Variants in LZTS2 observed in about 807,000 individuals in gnomAD.
LZTS2 encodes the protein leucine zipper putative tumor suppressor 2.
In LZTS2, 32 loss-of-function variants were observed where a neutral mutation model predicts 60.6. The observed-to-expected ratio is 0.53, with a 90% confidence interval of 0.40 to 0.71. LZTS2 has a LOEUF of 0.71. Ranked by LOEUF, LZTS2 falls within the 30% of genes least tolerant of loss-of-function variation. The pLI, the probability that LZTS2 is intolerant of heterozygous loss-of-function variation, is 0.00. For synonymous variants in LZTS2, 360 were observed against 393.1 expected (o/e 0.92, Z 1.00); for missense variants, 792 against 901.9 (o/e 0.88, Z 1.56).
chr10:101,004,291 C>T (rs1401065632), intron 2 of LZTS2, 125 bp downstream of exon 3: 2 of 1,019,588 alleles, frequency 2.0e-6, no homozygotes, highest in South Asian at 1.8e-5. Flanking sequence ...CCCCCCTGCC[C>T]TCCCCACCAG....
chr10:101,007,554 G>A (rs759528362), exon 4 of LZTS2: 3 of 1,312,124 alleles, frequency 2.3e-6, no homozygotes, highest in African/African-American at 1.5e-5. Flanking sequence ...AAAGCCAGAT[G>A]GCACCAGCTG....
rs774166497 is a variant in LZTS2 at position 101,006,615 on chromosome 10, G to A, written c.1457G>A (p.Arg486Gln). Residue 486 changes from arginine (R) to glutamine (Q), a missense_variant, in exon 4 of 4, where the codon CGG becomes CAG. By Grantham distance (43) the Arg-to-Gln change is conservative. Coordinates refer to ENST00000370220, the Ensembl canonical transcript of LZTS2. ...CTGCGGGAGGCCCGTGCTACGCTGC[G>A]GGTCAGTGAGGGCCGTGCGCGGGGT... The A allele has an allele frequency of 1.0e-5, 16 of 1,600,348 alleles. 1 individual carries two copies. The highest frequency in any genetic ancestry group is 4.0e-5 in the African/African-American group (3 of 74,648).
At chr10:101,005,271 C>T (rs745716898) in intron 2 of LZTS2, among the ~76,000 whole-genome samples, 187 bp from the exon 4 acceptor site, 5 of 152,166 alleles carry the variant, frequency 3.3e-5, no homozygotes, top group African/African-American at 7.2e-5. Flanking sequence ...CCACCGAGCC[C>T]GGTCTGCTTG....
exon 4 of LZTS2, chr10:101,006,812 C>G: frequency 6.5e-7 from 1 of 1,543,324 alleles, no homozygotes; most frequent in South Asian, 1.2e-5. Context: ...CCCATTCCTC[C>G]TGGCAGAGAG....
chr10:101,003,725 C>T, exon 2 of LZTS2: 1 of 1,613,084 alleles, frequency 6.2e-7, no homozygotes, highest in Non-Finnish European at 8.5e-7. Flanking sequence ...GTGGCTGGGC[C>T]AGTGGCTGCC....
intron 3 of LZTS2, 34 bp downstream of exon 4, chr10:101,005,749 C>A (rs1335226082): frequency 2.0e-6 from 3 of 1,504,558 alleles, no homozygotes; most frequent in East Asian, 5.0e-5. Context: ...GGAGCAGGGT[C>A]ACACAGGGAG....
At chr10:101,007,461 C>A in exon 4 of LZTS2, 1 of 1,458,836 alleles carries the variant, frequency 6.9e-7, no homozygotes, top group Non-Finnish European at 9.1e-7. Flanking sequence ...TTCACAGGCG[C>A]TTCCAGCCCA....
rs1852117174 is a variant in LZTS2 at position 101,004,182 on chromosome 10, A to G, written c.1068+16A>G. The G allele has an allele frequency of 4.4e-6, 7 of 1,581,428 alleles. No individual in the cohort carries two copies. The highest frequency in any genetic ancestry group is 5.2e-6 in the Non-Finnish European group (6 of 1,157,558). On this transcript the variant is annotated intron_variant, in intron 2 of 3. Transcript: ENST00000370220. The stretch of plus-strand genomic sequence containing the variant: ...CATGTGCCAGGTGTGGTCAGAGGCA[A>G]TGATGGGGAAGGGGCATGGCAGGAC...
chr10:101,007,364 CAA>C, exon 4 of LZTS2: 1 of 1,417,756 alleles, frequency 7.1e-7, no homozygotes, highest in Non-Finnish European at 9.2e-7. Flanking sequence ...TCAGACCGCT[CAA>C]AGGTCCCCGT....
At chr10:101,004,067 C>T in exon 2 of LZTS2, 2 of 1,613,350 alleles carry the variant, frequency 1.2e-6, no homozygotes, top group Non-Finnish European at 1.7e-6. Context: ...CGGATGAGGC[C>T]CTGCTGCACT....
chr10:101,002,721 C>A (rs1852068037), exon 1 of LZTS2: 2 of 1,611,744 alleles, frequency 1.2e-6, no homozygotes, highest in East Asian at 4.5e-5. Context: ...AGCAGGATGG[C>A]CTGCTACGGG....
At chr10:101,002,370 A>G (rs701835) in exon 1 of LZTS2, 131,487 of 543,856 alleles carry the variant, frequency 0.24, 18,946 homozygotes, top group East Asian at 0.56. Flanking sequence ...TCATTCCAGC[A>G]CTTGAAGGGG....
chr10:101,000,870 C>T (rs1852020769), exon 1 of LZTS2: 1 of 152,520 alleles, frequency 6.6e-6, no homozygotes, highest in Admixed American at 6.5e-5. Context: ...TCCCCCAGCT[C>T]CCCGCAGCTC....
At chr10:101,005,609 A>G in exon 3 of LZTS2, 1 of 1,611,462 alleles carries the variant, frequency 6.2e-7, no homozygotes. Context: ...TTGCAGGACG[A>G]CTTCGCACAG....
At chr10:101,007,459 C>G (rs771777092) in exon 4 of LZTS2, 1 of 1,456,732 alleles carries the variant, frequency 6.9e-7, no homozygotes, top group Non-Finnish European at 9.1e-7. Context: ...TGTTCACAGG[C>G]GCTTCCAGCC....
chr10:101,007,387 A>G lies in LZTS2; in HGVS notation c.*219A>G, dbSNP rs890053243. ...CTCAAAGGTCCCCGTGTTCACTGTT[A>G]CCCAGAGGCTCTTGTTACTACCCAC... On this transcript the variant is annotated 3_prime_UTR_variant, in exon 4 of 4. Coordinates refer to ENST00000370220, the Ensembl canonical transcript of LZTS2. 4.2e-6 allele frequency: 6 copies of G among 1,423,660 alleles called. No individual in the cohort carries two copies. In the Admixed American group the frequency reaches 1.4e-4, roughly 34 times the overall value. 88.2% of individuals were successfully genotyped at this position (1,423,660 alleles called of 1,614,324 possible).
chr10:101,006,615 G>GGGTCAGTGAGGGCCGTGC, exon 4 of LZTS2: 1 of 1,600,466 alleles, frequency 6.2e-7, no homozygotes, highest in Non-Finnish European at 8.5e-7. Context: ...GCTACGCTGC[G>GGGTCAGTGAGGGCCGTGC]GGTCAGTGAG....
upstream of LZTS2, chr10:100,998,826 G>C (rs1296962138): frequency 6.6e-6 from 1 of 152,416 alleles, no homozygotes; most frequent in Non-Finnish European, 1.5e-5. Flanking sequence ...TGTTGTGGAA[G>C]CCTGTGCCCA....
exon 4 of LZTS2, chr10:101,007,626 G>A (rs1013968752): frequency 2.4e-6 from 3 of 1,242,952 alleles, no homozygotes; most frequent in Non-Finnish European, 2.1e-6. Context: ...TCCCAGGTTT[G>A]AGCTCTGCAG....
Sources: gnomAD v4.1 joint callset for allele counts (sites outside exome capture counted in the v4.1 genomes callset) on GRCh38, gnomAD v4.1.1 for gene constraint, MANE v1.5 for transcripts, NCBI Gene and HGNC (gene_info 2026-07-23, HGNC 2026-07-21) for gene names.